The following POU5F1 variants were observed in gnomAD, a reference collection of about 807,000 sequenced individuals.
POU5F1 encodes the protein POU domain, class 5, transcription factor 1.
POU5F1 carries 6 observed loss-of-function variants against 38.3 expected under a neutral mutation model. The observed-to-expected ratio is 0.16, with a 90% CI of 0.09 to 0.31. The LOEUF is 0.31. POU5F1 is among the 10% of genes least tolerant of loss of function. POU5F1 has a pLI of 1.00. For synonymous variants in POU5F1, 147 were observed against 194.9 expected (o/e 0.75, Z 2.05); for missense variants, 286 against 462.6 (o/e 0.62, Z 3.50).
chr6:31,170,044 GC>G, intron 1 of POU5F1, 171 bp downstream of exon 1: 3 of 1,053,166 alleles, frequency 2.8e-6, no homozygotes, highest in Non-Finnish European at 4.1e-6. Context: ...CCTGGCCCCT[GC>G]CTGCCAGGGC....
At chr6:31,167,177 T>A (rs890555507) in intron 1 of POU5F1, 7 of 336,852 alleles carry the variant, frequency 2.1e-5, no homozygotes, top group Middle Eastern at 6.5e-4. Context: ...TTCCCTGCCC[T>A]ATAACTTTTT....
chr6:31,165,732 G>A lies in POU5F1; in HGVS notation c.527-31C>T, dbSNP rs2106074. 0.67 allele frequency: 1,063,601 copies of A among 1,593,866 alleles called. 357,154 individuals are homozygous for A. Among genetic ancestry groups the A allele is most frequent in the African/African-American group, 0.79 (59,321 of 74,746 alleles). On this transcript the variant is annotated intron_variant, in intron 2 of 4. Transcript: ENST00000259915. This position sits in a 1 kb window ranked among gnomAD's most constrained non-coding sequence, Gnocchi z 6.5. The stretch of plus-strand genomic sequence containing the variant: ...GGAGGCCAGTCAAAAGAGAAGCAAA[G>A]TGAGGGAGCACGCAGGGCCCTTGTG...
chr6:31,165,892 G>T lies in POU5F1; in HGVS notation c.526+35C>A. ...TAGGTTCAGGGATACTCCTTAGAGGGGAGATGCGGTCAGAATCTGCAGAGG... is the reference window on the plus strand; with the variant it reads ...TAGGTTCAGGGATACTCCTTAGAGGTGAGATGCGGTCAGAATCTGCAGAGG... On this transcript the variant is annotated intron_variant, in intron 2 of 4. Transcript: ENST00000259915. The surrounding 1 kb of genome is among the most constrained non-coding windows in gnomAD (Gnocchi z 6.5). 6.2e-7 allele frequency: 1 copy of T among 1,613,280 alleles called. No individual in the cohort carries two copies. The highest frequency in any genetic ancestry group is 2.2e-5 in the East Asian group (1 of 44,846).
chr6:31,165,466 T>A lies in POU5F1; in HGVS notation c.657+105A>T. 1 of 1,593,684 alleles carries A rather than the reference T, an allele frequency of 6.3e-7. No individual in the cohort carries two copies. The highest frequency in any genetic ancestry group is 2.2e-5 in the East Asian group (1 of 44,674). On this transcript the variant is annotated intron_variant, in intron 3 of 4. Transcript: ENST00000259915. The surrounding 1 kb of genome is among the most constrained non-coding windows in gnomAD (Gnocchi z 6.5). ...ACTGAGGAATTTCACTCCATCCCAC[T>A]GAGAACCACTGCACCAAAGACGGAG...
At chr6:31,166,671 AAAAG>A (rs550996676) in intron 1 of POU5F1, 22 of 1,166,462 alleles carry the variant, frequency 1.9e-5, no homozygotes, top group Middle Eastern at 3.6e-4. Context: ...AGAAAAAAAA[AAAAG>A]AAGATAGTTC....
chr6:31,166,075 A>G (rs760230615), intron 1 of POU5F1, 28 bp from the exon 2 acceptor site: 15 of 1,614,112 alleles, frequency 9.3e-6, no homozygotes, highest in Non-Finnish European at 1.3e-5. Context: ...GAAGACTTGT[A>G]AGAACATAAA....
chr6:31,164,786 C>A lies in POU5F1; in HGVS notation c.898G>T (p.Ala300Ser). 2.5e-6 allele frequency: 4 copies of A among 1,612,620 alleles called. No homozygotes were observed. Among genetic ancestry groups the A allele is most frequent in the Non-Finnish European group, 2.5e-6 (3 of 1,179,350 alleles). The change falls in exon 5 of 5, where the codon GCT (alanine) becomes TCT (serine). Residue 300 changes from alanine to serine, a missense_variant. By Grantham distance (99) the Ala-to-Ser change is moderately conservative. Around this residue, in one of 2 missense-constraint regions of POU5F1, gnomAD observed 110 missense variants for 277.8 expected, o/e 0.40. Transcript: ENST00000259915. ...SDYAQREDFEAAGSPFSGGPV... is the reference protein window; with the variant it reads ...SDYAQREDFESAGSPFSGGPV... ...CCCCCTGAGAAAGGAGACCCAGCAG[C>A]CTCAAAATCCTCTCGTTGTGCATAG...
intron 1 of POU5F1, chr6:31,166,872 C>G: frequency 7.8e-7 from 1 of 1,287,124 alleles, no homozygotes; most frequent in Non-Finnish European, 1.0e-6. Flanking sequence ...TATAACATGG[C>G]ATGCATACAC....
In POU5F1 at chr6:31,170,407, C is replaced by G. The variant is rs754555422; in HGVS notation, c.214G>C (p.Gly72Arg). The change falls in exon 1 of 5, where the codon GGG (glycine) becomes CGG (arginine). Residue 72 changes from glycine (G) to arginine (R), a missense_variant. Gly to Arg is a moderately radical substitution (Grantham distance 125). This residue lies in a region of POU5F1 where 176 missense variants were observed against 184.8 expected (regional missense o/e 0.95). Transcript: ENST00000259915. ...ACCTGGGGCCCACAGTACGCCATCC[C>G]CCCACAGAACTCATACGGCGGGGGG... ...PCPPPYEFCG[G>R]MAYCGPQVGV... is the part of the protein sequence containing the mutation. 6.2e-7 allele frequency: 1 copy of G among 1,612,490 alleles called. No individual in the cohort carries two copies. The highest frequency in any genetic ancestry group is 8.5e-7 in the Non-Finnish European group (1 of 1,179,834).
rs1415228436 is a variant in POU5F1, at chr6:31,170,389, GCCCAC to G, written c.227_231del (p.Cys76SerfsTer19). The G allele has an allele frequency of 6.2e-7, 1 of 1,612,586 alleles. No homozygotes were observed. Among genetic ancestry groups the G allele is most frequent in the Non-Finnish European group, 8.5e-7 (1 of 1,179,858 alleles). ...GGCACTAGCCCCACTCCAACCTGGG[GCCCAC>G]AGTACGCCATCCCCCCACAGAACTC... On this transcript the variant is annotated frameshift_variant, in exon 1 of 5. Transcript: ENST00000259915. LOFTEE classifies it high-confidence loss of function.
Position 31,164,731 on chromosome 6 carries a change from G to A in POU5F1, c.953C>T (p.Pro318Leu). 1 of 1,605,176 alleles carries A rather than the reference G, an allele frequency of 6.2e-7. No homozygotes were observed. Among genetic ancestry groups the A allele is most frequent in the Non-Finnish European group, 8.5e-7 (1 of 1,175,964 alleles). The change falls in exon 5 of 5, where the codon CCC becomes CTC. Residue 318 changes from proline (P) to leucine (L), a missense_variant. Pro to Leu is a moderately conservative substitution (Grantham distance 98, BLOSUM62 -3). Around this residue, in one of 2 missense-constraint regions of POU5F1, gnomAD observed 110 missense variants for 277.8 expected, o/e 0.40. Coordinates refer to ENST00000259915, the MANE Select transcript of POU5F1 (RefSeq NM_002701.6). ...GPVSFPLAPG[P>L]HFGTPGYGSP... Reference sequence around the variant, plus strand: ...CCCATAGCCTGGGGTACCAAAATGGGGCCCTGGGGCCAGAGGAAAGGACAC... The same window carrying A: ...CCCATAGCCTGGGGTACCAAAATGGAGCCCTGGGGCCAGAGGAAAGGACAC...
chr6:31,166,625 C>T (rs574609806), intron 1 of POU5F1: 318 of 1,148,712 alleles, frequency 2.8e-4, no homozygotes, highest in Non-Finnish European at 3.4e-4. Context: ...CGCCACTGCA[C>T]TCCAGCCTGG....
intron 1 of POU5F1, among the ~76,000 whole-genome samples, chr6:31,169,329 T>A (rs1268822081): frequency 1.3e-5 from 2 of 152,204 alleles, no homozygotes; most frequent in African/African-American, 4.8e-5. Context: ...CAGTCACACC[T>A]TTCTGTGAGG....
chr6:31,165,178 T>C lies in POU5F1; in HGVS notation c.766A>G (p.Thr256Ala). Reference sequence around the variant, plus strand: ...GCGATGTGGCTGATCTGCTGCAGTGTGGGTTTCGGGCACTGCAGGAACAAA... The same window carrying C: ...GCGATGTGGCTGATCTGCTGCAGTGCGGGTTTCGGGCACTGCAGGAACAAA... Reference protein sequence around the residue: ...ENLFLQCPKPTLQQISHIAQQ... With the variant: ...ENLFLQCPKPALQQISHIAQQ... Residue 256 changes from threonine to alanine, a missense_variant, in exon 4 of 5, where the codon ACA becomes GCA. This residue lies in a region of POU5F1 where 110 missense variants were observed against 277.8 expected (regional missense o/e 0.40). Transcript: ENST00000259915. This position sits in a 1 kb window ranked among gnomAD's most constrained non-coding sequence, Gnocchi z 6.5. The C allele has an allele frequency of 6.2e-7, 1 of 1,609,780 alleles. No individual in the cohort carries two copies. The highest frequency in any genetic ancestry group is 8.5e-7 in the Non-Finnish European group (1 of 1,178,388).
At chr6:31,168,254 TTTGA>T (rs1279274561) in intron 1 of POU5F1, among the ~76,000 whole-genome samples, 1 of 150,976 alleles carries the variant, frequency 6.6e-6, no homozygotes, top group Non-Finnish European at 1.5e-5. Context: ...TTTTTTTTTT[TTTGA>T]GAGTTTCGCT....
chr6:31,166,942 T>TAC (rs1561858807), intron 1 of POU5F1: 2 of 930,672 alleles, frequency 2.1e-6, no homozygotes, highest in African/African-American at 3.2e-5. Flanking sequence ...TTGTGTGTAC[T>TAC]TACTCATTTT....
chr6:31,170,410 C>A lies in POU5F1; in HGVS notation c.211G>T (p.Gly71Trp), dbSNP rs753248478. The A allele has an allele frequency of 7.4e-6, 12 of 1,612,596 alleles. No individual in the cohort carries two copies. The highest frequency in any genetic ancestry group is 1.0e-5 in the Non-Finnish European group (12 of 1,179,828). Residue 71 changes from glycine to tryptophan, a missense_variant, in exon 1 of 5, where the codon GGG (glycine) becomes TGG (tryptophan). Physicochemically the swap from Gly to Trp is radical, Grantham distance 184. Transcript: ENST00000259915. ...TGGGGCCCACAGTACGCCATCCCCCCACAGAACTCATACGGCGGGGGGCAT... is the reference window on the plus strand; with the variant it reads ...TGGGGCCCACAGTACGCCATCCCCCAACAGAACTCATACGGCGGGGGGCAT... ...PPCPPPYEFC[G>W]GMAYCGPQVG... is the part of the protein sequence containing the mutation.
At chr6:31,169,161 C>T (rs1406221638) in intron 1 of POU5F1, among the ~76,000 whole-genome samples, 1 of 152,092 alleles carries the variant, frequency 6.6e-6, no homozygotes, top group African/African-American at 2.4e-5. Flanking sequence ...TAATACCTCC[C>T]CCTAGGAGAT....
chr6:31,166,813 CTAAATTCAGTATA>C, intron 1 of POU5F1: 1 of 1,186,920 alleles, frequency 8.4e-7, no homozygotes, highest in Non-Finnish European at 1.1e-6. Context: ...GTCTCAGAAG[CTAAATTCAGTATA>C]TACTCTCCCC....
Sources: gnomAD v4.1 joint callset for allele counts (sites outside exome capture counted in the v4.1 genomes callset) on GRCh38, gnomAD v4.1.1 for gene constraint, gnomAD v4.1.1 regional missense constraint, Gnocchi (gnomAD v3.1) non-coding constraint, MANE v1.5 for transcripts, NCBI Gene and HGNC (gene_info 2026-07-23, HGNC 2026-07-21) for gene names.